The following RIMKLB variants were observed in gnomAD, a reference collection of about 807,000 sequenced individuals.
RIMKLB encodes the protein ribosomal modification protein rimK like family member B, also known as beta-citrylglutamate synthase B.
In RIMKLB, 7 loss-of-function variants were observed where a neutral mutation model predicts 32.0. That is an observed-to-expected ratio of 0.22 (90% confidence interval 0.12 to 0.41). The LOEUF (loss-of-function observed/expected upper bound fraction) is 0.41, where lower values mean the gene tolerates loss of function less well. RIMKLB is among the 10% of genes least tolerant of loss of function. The pLI is 1.00. For missense variants in RIMKLB, 289 were observed against 498.7 expected (o/e 0.58, Z 4.00); for synonymous variants, 172 against 185.1 (o/e 0.93, Z 0.57).
At chr12:8,681,406 T>G (rs1262948521), upstream of RIMKLB, among the ~76,000 whole-genome samples, 1 of 152,212 alleles carries the variant, frequency 6.6e-6, no homozygotes, top group Non-Finnish European at 1.5e-5. Flanking sequence ...ACAGAGATCT[T>G]AAAATCCTTG....
chr12:8,732,643 C>G (rs1946643522), intron 2 of RIMKLB, among the ~76,000 whole-genome samples: 1 of 152,034 alleles, frequency 6.6e-6, no homozygotes, highest in Admixed American at 6.6e-5. Flanking sequence ...TCAAAAAGTA[C>G]TAATGGCATA....
chr12:8,711,975 CTG>C (rs1194577914), intron 1 of RIMKLB, among the ~76,000 whole-genome samples: 1 of 152,168 alleles, frequency 6.6e-6, no homozygotes, highest in Non-Finnish European at 1.5e-5. Flanking sequence ...CAGGTTTGCA[CTG>C]TACCTTTCCC....
intron 5 of RIMKLB, among the ~76,000 whole-genome samples, chr12:8,761,857 T>A (rs1181711178): frequency 1.3e-5 from 2 of 152,082 alleles, no homozygotes; most frequent in African/African-American, 2.4e-5. Context: ...CGAGATTTCC[T>A]CGGGAGGGGT....
intron 7 of RIMKLB, among the ~76,000 whole-genome samples, chr12:8,782,689 A>ATTAAATGT (rs2138462565): frequency 6.6e-6 from 1 of 152,230 alleles, no homozygotes; most frequent in African/African-American, 2.4e-5. Context: ...TGATAAGAAC[A>ATTAAATGT]TTAAATGTCT....
At chr12:8,764,809 G>A (rs1390168836) in intron 5 of RIMKLB, among the ~76,000 whole-genome samples, 1 of 151,944 alleles carries the variant, frequency 6.6e-6, no homozygotes, top group Non-Finnish European at 1.5e-5. Flanking sequence ...TTTCTATTTG[G>A]ACAATCTTTT....
intron 1 of RIMKLB, among the ~76,000 whole-genome samples, chr12:8,710,152 ATT>A (rs769890560): frequency 7.1e-6 from 1 of 141,476 alleles, no homozygotes. Context: ...ACACCCGGCT[ATT>A]TTTTTTTTTT....
intron 2 of RIMKLB, among the ~76,000 whole-genome samples, chr12:8,747,089 A>G (rs1415257980): frequency 1.3e-5 from 2 of 152,158 alleles, no homozygotes; most frequent in African/African-American, 4.8e-5. Flanking sequence ...AGATGGAATG[A>G]GGAGTATATG....
intron 5 of RIMKLB, among the ~76,000 whole-genome samples, chr12:8,765,784 G>A (rs1949911369): frequency 2.0e-5 from 3 of 152,076 alleles, no homozygotes; most frequent in Admixed American, 2.0e-4. Context: ...CCGGGATAGG[G>A]AGGTAGACTC....
At chr12:8,743,451 T>A (rs970453445) in intron 2 of RIMKLB, among the ~76,000 whole-genome samples, 6 of 151,510 alleles carry the variant, frequency 4.0e-5, no homozygotes, top group African/African-American at 1.5e-4. Flanking sequence ...GGAAGGAGGC[T>A]GCCATTTGTC....
At chr12:8,703,850 T>A (rs1943620455) in intron 1 of RIMKLB, among the ~76,000 whole-genome samples, 1 of 152,212 alleles carries the variant, frequency 6.6e-6, no homozygotes, top group South Asian at 2.1e-4. Context: ...AAATAAACCA[T>A]CTCATATTGT....
At chr12:8,706,224 C>G (rs1013269515) in intron 1 of RIMKLB, among the ~76,000 whole-genome samples, 1 of 152,040 alleles carries the variant, frequency 6.6e-6, no homozygotes, top group African/African-American at 2.4e-5. Flanking sequence ...ACTGCAACCT[C>G]CGCCTTCTGG....
At chr12:8,709,174 G>A (rs1334411384) in intron 1 of RIMKLB, among the ~76,000 whole-genome samples, 2 of 152,118 alleles carry the variant, frequency 1.3e-5, no homozygotes, top group Admixed American at 6.5e-5. Context: ...AAAAAAGTTT[G>A]CCATTTTATT....
At chr12:8,762,325 G>A (rs986512548) in intron 5 of RIMKLB, among the ~76,000 whole-genome samples, 14 of 152,136 alleles carry the variant, frequency 9.2e-5, no homozygotes, top group Admixed American at 7.9e-4. Context: ...ATCCTCGTGA[G>A]GTTCCCCATT....
chr12:8,705,169 AAT>A (rs1038801634), intron 1 of RIMKLB, among the ~76,000 whole-genome samples: 2 of 152,124 alleles, frequency 1.3e-5, no homozygotes, highest in Admixed American at 1.3e-4. Flanking sequence ...CCAAGTGTTG[AAT>A]ATACTGGAGA....
At chr12:8,740,987 T>C (rs774781989) in intron 2 of RIMKLB, among the ~76,000 whole-genome samples, 1 of 151,410 alleles carries the variant, frequency 6.6e-6, no homozygotes, top group South Asian at 2.1e-4. Context: ...GGCGGGCAAA[T>C]CATGAGGTCA....
In RIMKLB at chr12:8,775,993, T is replaced by G; in HGVS notation, c.*2209T>G. The G allele has an allele frequency of 9.1e-6, 9 of 984,214 alleles. No homozygotes were observed. Among genetic ancestry groups the G allele is most frequent in the Non-Finnish European group, 1.1e-5 (9 of 828,860 alleles). 61.0% of individuals were successfully genotyped at this position (984,214 alleles called of 1,614,324 possible). ...ATGCATACTATTTGGTATAGAGAAA[T>G]AAATGAGGAAGAAAGAACTGCTTAA... On this transcript the variant is annotated 3_prime_UTR_variant, in exon 6 of 6. Coordinates refer to ENST00000535829, the MANE Select transcript of RIMKLB (RefSeq NM_001297776.2).
intron 1 of RIMKLB, among the ~76,000 whole-genome samples, chr12:8,702,127 C>T (rs1206059028): frequency 6.6e-6 from 1 of 152,016 alleles, no homozygotes; most frequent in Admixed American, 6.5e-5. Context: ...AAAATATGTT[C>T]TGTTCCATAA....
chr12:8,772,590 G>A (rs769195218), intron 5 of RIMKLB, among the ~76,000 whole-genome samples: 2 of 152,286 alleles, frequency 1.3e-5, no homozygotes, highest in East Asian at 3.9e-4. Context: ...CAGCCTCAGT[G>A]GTAGGGAGGA....
downstream of RIMKLB, among the ~76,000 whole-genome samples, chr12:8,778,482 A>C (rs777940031): frequency 3.3e-5 from 5 of 152,220 alleles, no homozygotes; most frequent in Non-Finnish European, 7.3e-5. Context: ...ATCATGGTTT[A>C]AACCTTCAAA....
Sources: gnomAD v4.1 joint callset for allele counts (sites outside exome capture counted in the v4.1 genomes callset) on GRCh38, gnomAD v4.1.1 for gene constraint, MANE v1.5 for transcripts, NCBI Gene and HGNC (gene_info 2026-07-23, HGNC 2026-07-21) for gene names.